Variants in PHACTR1 observed in about 807,000 individuals in gnomAD.
PHACTR1 encodes the protein RPEL repeat containing 1.
Under a neutral mutation model 69.2 loss-of-function variants are expected in PHACTR1, and 16 were observed. The ratio of observed to expected loss-of-function variants is 0.23; its 90% CI spans 0.16 to 0.35. The LOEUF (loss-of-function observed/expected upper bound fraction) is 0.35, where lower values mean the gene tolerates loss of function less well. Among genes scored for constraint, PHACTR1 ranks in the 10% least tolerant of loss-of-function variants. The pLI, the probability that PHACTR1 is intolerant of heterozygous loss-of-function variation, is 1.00. For synonymous variants in PHACTR1, 312 were observed against 284.5 expected, an observed-to-expected ratio of 1.10 and a Z score of -0.97; for missense variants, 510 against 734.7, an observed-to-expected ratio of 0.69 and a Z score of 3.54.
At chr6:12,862,213 G>T (rs140270726) in intron 4 of PHACTR1, among the ~76,000 whole-genome samples, 1 of 152,166 alleles carries the variant, frequency 6.6e-6, no homozygotes, top group African/African-American at 2.4e-5. Flanking sequence ...TCAATATTCC[G>T]TATGAAAACA....
At position 13,073,225 on chromosome 6, in the gene PHACTR1, C is replaced by CAAAAAAAAA. The variant is rs58555118; in HGVS notation, c.415+19698_415+19706dup. On this transcript the variant is annotated intron_variant, in intron 5 of 14. Transcript: ENST00000332995. ...AAATGGTATCTGATAACAGGATTAA[C>CAAAAAAAAA]AAAAAAAAAAGAAAATACTTGAGGA... is the stretch of plus-strand genomic sequence containing the variant. Among the ~76,000 whole-genome samples, 80 of 119,716 alleles carry CAAAAAAAAA rather than the reference C, an allele frequency of 6.7e-4. 2 individuals are homozygous for CAAAAAAAAA. The East Asian group carries it at 8.5e-3, about 13-fold the overall frequency. The allele number at this position is 119,716 out of a possible 152,430, so 78.5% of individuals were successfully genotyped here. A position where few individuals can be genotyped will look rare whatever the true frequency, so the allele number is the denominator to read the frequency against.
At chr6:12,800,179 A>G (rs1014897749) in intron 4 of PHACTR1, among the ~76,000 whole-genome samples, 4 of 152,188 alleles carry the variant, frequency 2.6e-5, no homozygotes, top group Non-Finnish European at 4.4e-5. Context: ...AAAATCTCAA[A>G]TCCAACCATT....
chr6:13,139,626 C>A (rs1822115136), intron 5 of PHACTR1, among the ~76,000 whole-genome samples: 1 of 152,130 alleles, frequency 6.6e-6, no homozygotes, highest in Admixed American at 6.5e-5. Flanking sequence ...AAGTTACATA[C>A]CAAGCTAAGC....
At chr6:12,809,519 C>T (rs1471675784) in intron 4 of PHACTR1, among the ~76,000 whole-genome samples, 4 of 152,216 alleles carry the variant, frequency 2.6e-5, no homozygotes, top group Non-Finnish European at 5.9e-5. Flanking sequence ...CAACCCTACT[C>T]TAGCAGATAA....
intron 6 of PHACTR1, among the ~76,000 whole-genome samples, chr6:13,181,531 A>AG (rs1318294566): frequency 6.6e-6 from 1 of 152,218 alleles, no homozygotes; most frequent in African/African-American, 2.4e-5. Flanking sequence ...GAAATCACAC[A>AG]GGGGGAATTG....
chr6:13,246,378 A>G lies in PHACTR1; in HGVS notation c.1391+16185A>G, dbSNP rs1773584695. On this transcript the variant is annotated intron_variant, in intron 10 of 14. Transcript: ENST00000332995. This position sits in a 1 kb window ranked among gnomAD's most constrained non-coding sequence, Gnocchi z 4.2. ...TCCCACTTAGCCAAAAGAACACTGA[A>G]ATTAAATGTGCGAGCGAAAGATGTT... 1.3e-5 allele frequency among the ~76,000 whole-genome samples: 2 copies of G among 151,284 alleles called. No homozygotes were observed. Among genetic ancestry groups the G allele is most frequent in the Admixed American group, 1.4e-4 (2 of 14,526 alleles).
At chr6:12,896,493 G>T (rs1269186802) in intron 4 of PHACTR1, among the ~76,000 whole-genome samples, 2 of 152,174 alleles carry the variant, frequency 1.3e-5, no homozygotes, top group Non-Finnish European at 2.9e-5. Context: ...AACTGAGCAT[G>T]CCCGGATCAC....
intron 4 of PHACTR1, among the ~76,000 whole-genome samples, chr6:12,899,865 G>A (rs1785018185): frequency 6.6e-6 from 1 of 152,158 alleles, no homozygotes; most frequent in Non-Finnish European, 1.5e-5. Context: ...GTGATGTGTG[G>A]TGCCTCCCTG....
At chr6:12,741,818 A>C (rs1765087299) in intron 3 of PHACTR1, among the ~76,000 whole-genome samples, 1 of 151,908 alleles carries the variant, frequency 6.6e-6, no homozygotes, top group Non-Finnish European at 1.5e-5. Context: ...ATTACATTGA[A>C]CCCATAGGTC....
chr6:13,030,024 G>A (rs9369762), intron 4 of PHACTR1, among the ~76,000 whole-genome samples: 108,561 of 152,132 alleles, frequency 0.71, 39,957 homozygotes, highest in East Asian at 0.88. Flanking sequence ...CACGTTTAGA[G>A]TTGGTGGTAG....
rs143732239 is a variant in PHACTR1 at position 13,036,136 on chromosome 6, CAA to C, written c.251-17219_251-17218del. Among the ~76,000 whole-genome samples, 4 of 142,726 alleles carry C rather than the reference CAA, an allele frequency of 2.8e-5. No individual in the cohort carries two copies. The South Asian group carries it at 6.6e-4, about 24-fold the overall frequency. 93.6% of individuals were successfully genotyped at this position (142,726 alleles called of 152,430 possible). ...TGGGATTAAATCCACCCCCGCATTCCAAAAAAAAAAAGACTGAAGAAAAGAAA... is the reference window on the plus strand; with the variant it reads ...TGGGATTAAATCCACCCCCGCATTCCAAAAAAAAAGACTGAAGAAAAGAAA... On this transcript the variant is annotated intron_variant, in intron 4 of 14. Coordinates refer to ENST00000332995, the MANE Select transcript of PHACTR1 (RefSeq NM_030948.6).
intron 10 of PHACTR1, among the ~76,000 whole-genome samples, chr6:13,243,075 T>G (rs1009417899): frequency 6.6e-6 from 1 of 152,210 alleles, no homozygotes; most frequent in African/African-American, 2.4e-5. Context: ...TATTTTAGAT[T>G]ATTTCTCTTG....
At chr6:12,811,889 C>T (rs1450942983) in intron 4 of PHACTR1, among the ~76,000 whole-genome samples, 1 of 152,132 alleles carries the variant, frequency 6.6e-6, no homozygotes, top group East Asian at 1.9e-4. Flanking sequence ...GGTAAGATTT[C>T]ATTAAGGATG....
intron 4 of PHACTR1, among the ~76,000 whole-genome samples, chr6:12,973,887 CAT>C (rs929512858): frequency 7.0e-4 from 104 of 147,534 alleles, no homozygotes; most frequent in African/African-American, 2.5e-3. Context: ...AACAAACAAA[CAT>C]ATACATTAGG....
chr6:13,111,957 C>T (rs188832593), intron 5 of PHACTR1, among the ~76,000 whole-genome samples: 37 of 152,128 alleles, frequency 2.4e-4, no homozygotes, highest in African/African-American at 6.5e-4. Flanking sequence ...GTTCTTTGTA[C>T]GGATTATTTC....
At chr6:12,919,868 G>A (rs1022935929) in intron 4 of PHACTR1, among the ~76,000 whole-genome samples, 2 of 152,188 alleles carry the variant, frequency 1.3e-5, no homozygotes, top group African/African-American at 4.8e-5. Context: ...GACTCTAGGA[G>A]CCCTGGAGTA....
intron 5 of PHACTR1, among the ~76,000 whole-genome samples, chr6:13,132,665 G>A (rs1232601595): frequency 6.6e-6 from 1 of 151,474 alleles, no homozygotes; most frequent in African/African-American, 2.4e-5. Context: ...ATGCTACACT[G>A]TAGCCATTAA....
intron 3 of PHACTR1, among the ~76,000 whole-genome samples, chr6:12,725,456 A>G (rs1257001496): frequency 6.6e-6 from 1 of 152,052 alleles, no homozygotes; most frequent in East Asian, 1.9e-4. Context: ...CCTTCCTCCC[A>G]TTGCCTATAC....
chr6:12,939,734 T>TA (rs1789869150), intron 4 of PHACTR1, among the ~76,000 whole-genome samples: 1 of 151,964 alleles, frequency 6.6e-6, no homozygotes, highest in South Asian at 2.1e-4. Context: ...GGTGCCCCAC[T>TA]AGTCACTGGC....
Sources: gnomAD v4.1 joint callset for allele counts (sites outside exome capture counted in the v4.1 genomes callset) on GRCh38, gnomAD v4.1.1 for gene constraint, Gnocchi (gnomAD v3.1) non-coding constraint, MANE v1.5 for transcripts, NCBI Gene and HGNC (gene_info 2026-07-23, HGNC 2026-07-21) for gene names.